The following ESRRG variants were observed in gnomAD, a reference collection of about 807,000 sequenced individuals.
The protein encoded by ESRRG is estrogen related receptor gamma.
ESRRG carries 13 observed loss-of-function variants against 44.0 expected under a neutral mutation model. The ratio of observed to expected loss-of-function variants is 0.30; its 90% CI spans 0.19 to 0.47. The LOEUF (loss-of-function observed/expected upper bound fraction) is 0.47, where lower values mean the gene tolerates loss of function less well. Among genes scored for constraint, ESRRG ranks in the 20% least tolerant of loss-of-function variants. The pLI, the probability that ESRRG is intolerant of heterozygous loss-of-function variation, is 1.00. For missense variants in ESRRG, 395 were observed against 580.6 expected, an observed-to-expected ratio of 0.68 and a Z score of 3.29; for synonymous variants, 215 against 214.6, an observed-to-expected ratio of 1.00 and a Z score of -0.02.
Position 216,739,722 on chromosome 1 carries a change from C to T in ESRRG, c.-13-62231G>A, listed in dbSNP as rs529892667. Reference sequence around the variant, plus strand: ...TAAAAGATTTAGAAGAAATGAAAACCCAGCTCACTGCTAACTCCTTCTCAA... The same window carrying T: ...TAAAAGATTTAGAAGAAATGAAAACTCAGCTCACTGCTAACTCCTTCTCAA... On this transcript the variant is annotated intron_variant, in intron 2 of 7. Transcript: ENST00000359162. 7.9e-4 allele frequency among the ~76,000 whole-genome samples: 121 copies of T among 152,230 alleles called. 1 individual carries two copies. Among genetic ancestry groups the T allele is most frequent in the African/African-American group, 2.8e-3 (117 of 41,524 alleles).
intron 2 of ESRRG, among the ~76,000 whole-genome samples, chr1:216,895,341 T>G (rs1156634371): frequency 6.6e-6 from 1 of 152,156 alleles, no homozygotes; most frequent in Admixed American, 6.5e-5. Context: ...ACCTATTAAT[T>G]AAGACCTATT....
intron 3 of ESRRG, among the ~76,000 whole-genome samples, chr1:216,605,389 CAA>C (rs1035720959): frequency 3.1e-4 from 47 of 151,408 alleles, no homozygotes; most frequent in African/African-American, 1.1e-3. Context: ...TAAAAAAAAA[CAA>C]AGTGTGAAAC....
At chr1:216,744,257 AT>A (rs2091116855) in intron 2 of ESRRG, among the ~76,000 whole-genome samples, 1 of 152,160 alleles carries the variant, frequency 6.6e-6, no homozygotes, top group South Asian at 2.1e-4. Context: ...TGCTAAATCA[AT>A]TTATTTATTT....
chr1:216,965,384 T>C (rs1339973682), intron 1 of ESRRG, among the ~76,000 whole-genome samples: 1 of 152,158 alleles, frequency 6.6e-6, no homozygotes, highest in Non-Finnish European at 1.5e-5. Flanking sequence ...CATCTATTAA[T>C]TACCAACTTA....
chr1:216,973,452 C>T (rs2072141922), intron 1 of ESRRG, among the ~76,000 whole-genome samples: 1 of 152,308 alleles, frequency 6.6e-6, no homozygotes, highest in Admixed American at 6.5e-5. Context: ...TACACAACCA[C>T]TCCCTCAGTG....
At chr1:216,710,783 C>G (rs1327032513) in intron 1 of ESRRG, among the ~76,000 whole-genome samples, 1 of 152,120 alleles carries the variant, frequency 6.6e-6, no homozygotes, top group Non-Finnish European at 1.5e-5. Flanking sequence ...CGCCCCCACC[C>G]CGCTGCACTG....
intron 3 of ESRRG, among the ~76,000 whole-genome samples, chr1:216,612,611 A>C (rs1465423616): frequency 6.6e-6 from 1 of 152,124 alleles, no homozygotes; most frequent in Non-Finnish European, 1.5e-5. Context: ...TAGCCCCACA[A>C]GGCAGGAAGA....
intron 6 of ESRRG, among the ~76,000 whole-genome samples, chr1:216,507,579 G>T (rs2041523203): frequency 6.6e-6 from 1 of 152,146 alleles, no homozygotes; most frequent in Admixed American, 6.5e-5. Flanking sequence ...TGCTGTGTGG[G>T]GGAAGGTTGT....
At chr1:216,713,253 A>G (rs908696730) in intron 1 of ESRRG, among the ~76,000 whole-genome samples, 2 of 152,160 alleles carry the variant, frequency 1.3e-5, no homozygotes, top group South Asian at 2.1e-4. Context: ...AAAAAAACCA[A>G]TATCTCTTTT....
At chr1:216,923,269 A>T (rs1330727215) in intron 2 of ESRRG, among the ~76,000 whole-genome samples, 1 of 152,224 alleles carries the variant, frequency 6.6e-6, no homozygotes, top group Non-Finnish European at 1.5e-5. Flanking sequence ...GCCATTCTTA[A>T]CACTAAATCT....
At chr1:216,800,353 G>T (rs576819169) in intron 2 of ESRRG, among the ~76,000 whole-genome samples, 1 of 152,212 alleles carries the variant, frequency 6.6e-6, no homozygotes, top group South Asian at 2.1e-4. Flanking sequence ...TGAAAAATTT[G>T]CAAAAGCAGC....
chr1:216,529,038 A>G (rs2048500826), intron 5 of ESRRG, among the ~76,000 whole-genome samples: 1 of 152,132 alleles, frequency 6.6e-6, no homozygotes, highest in South Asian at 2.1e-4. Flanking sequence ...ACAGGTGTTA[A>G]TGTAATTTAA....
chr1:217,029,548 T>C (rs2081734156), intron 1 of ESRRG, among the ~76,000 whole-genome samples: 1 of 152,224 alleles, frequency 6.6e-6, no homozygotes, highest in Non-Finnish European at 1.5e-5. Context: ...AAACGCATTA[T>C]ATAAAGTTGA....
intron 1 of ESRRG, chr1:216,715,340 A>T: frequency 1.7e-6 from 1 of 588,476 alleles, no homozygotes; most frequent in Non-Finnish European, 2.1e-6. Flanking sequence ...CATGGTTCTC[A>T]CCAACCATAT....
chr1:216,860,222 C>T (rs1159120843), intron 2 of ESRRG, among the ~76,000 whole-genome samples: 1 of 152,112 alleles, frequency 6.6e-6, no homozygotes. Context: ...CAAGATCGTG[C>T]CACTGTGCTC....
intron 1 of ESRRG, among the ~76,000 whole-genome samples, chr1:216,680,555 G>C (rs952987759): frequency 6.6e-6 from 1 of 152,104 alleles, no homozygotes; most frequent in Admixed American, 6.5e-5. Context: ...GGGGTGAAGG[G>C]GCCACTGCGC....
chr1:217,013,365 C>A (rs536151642), intron 1 of ESRRG, among the ~76,000 whole-genome samples: 137 of 152,330 alleles, frequency 9.0e-4, no homozygotes, highest in African/African-American at 3.0e-3. Flanking sequence ...ATGCAAAAAA[C>A]AGATTGAGAA....
At chr1:216,881,854 G>A (rs2096453314) in intron 2 of ESRRG, among the ~76,000 whole-genome samples, 1 of 152,072 alleles carries the variant, frequency 6.6e-6, no homozygotes, top group Admixed American at 6.5e-5. Context: ...TGAACCATCT[G>A]GTAACTGACT....
intron 1 of ESRRG, among the ~76,000 whole-genome samples, chr1:216,978,610 T>C (rs577417490): frequency 6.6e-6 from 1 of 152,318 alleles, no homozygotes; most frequent in South Asian, 2.1e-4. Context: ...TCTAGTCTCA[T>C]GGACAACCCA....
Sources: gnomAD v4.1 joint callset for allele counts (sites outside exome capture counted in the v4.1 genomes callset) on GRCh38, gnomAD v4.1.1 for gene constraint, MANE v1.5 for transcripts, NCBI Gene and HGNC (gene_info 2026-07-23, HGNC 2026-07-21) for gene names.